GLIS3: variants seen among roughly 807,000 people sequenced by gnomAD.
GLIS3 encodes the protein GLIS family zinc finger 3, also known as zinc finger protein GLIS3.
GLIS3 carries 53 observed loss-of-function variants against 78.6 expected under a neutral mutation model. The ratio of observed to expected loss-of-function variants is 0.67; its 90% CI spans 0.54 to 0.85. The LOEUF is 0.85. Ranked by LOEUF, GLIS3 falls within the 40% of genes least tolerant of loss-of-function variation. The pLI, the probability that GLIS3 is intolerant of heterozygous loss-of-function variation, is 0.00. For missense variants in GLIS3, 1,703 were observed against 1,231.1 expected (o/e 1.38, Z -5.74); for synonymous variants, 684 against 509.9 (o/e 1.34, Z -4.60).
chr9:4,071,620 A>C (rs1165342964), intron 4 of GLIS3: 1 of 152,182 alleles, frequency 6.6e-6, no homozygotes. Context: ...TACTATGCAA[A>C]AGCTTAAAAT....
intron 2 of GLIS3, among the ~76,000 whole-genome samples, chr9:4,244,339 T>TA (rs1295907067): frequency 6.6e-6 from 1 of 152,236 alleles, no homozygotes; most frequent in Non-Finnish European, 1.5e-5. Context: ...CTTGGATACT[T>TA]ACCAAGAGTC....
intron 2 of GLIS3, among the ~76,000 whole-genome samples, chr9:4,149,318 T>C (rs970240063): frequency 3.3e-5 from 5 of 152,186 alleles, no homozygotes; most frequent in Non-Finnish European, 7.3e-5. Flanking sequence ...AACTAAGGCT[T>C]GAAGACCATA....
At chr9:4,097,660 A>C (rs1409244154) in intron 4 of GLIS3, among the ~76,000 whole-genome samples, 1 of 152,212 alleles carries the variant, frequency 6.6e-6, no homozygotes, top group Non-Finnish European at 1.5e-5. Context: ...GAATAAAAAC[A>C]ACCATCGGTA....
intron 2 of GLIS3, among the ~76,000 whole-genome samples, chr9:4,236,609 A>G (rs183372299): frequency 1.4e-4 from 21 of 152,322 alleles, no homozygotes; most frequent in African/African-American, 5.1e-4. Flanking sequence ...ACAGCAGTCT[A>G]ATTTCCACCA....
intron 2 of GLIS3, among the ~76,000 whole-genome samples, chr9:4,159,245 C>G (rs779718753): frequency 3.9e-5 from 6 of 152,140 alleles, no homozygotes; most frequent in Non-Finnish European, 5.9e-5. Flanking sequence ...ATCAGATGAA[C>G]CATCTCCAGG....
At chr9:4,318,090 G>C (rs1003318499) in intron 2 of GLIS3, among the ~76,000 whole-genome samples, 1 of 152,184 alleles carries the variant, frequency 6.6e-6, no homozygotes, top group Non-Finnish European at 1.5e-5. Context: ...GCTGGGAAAG[G>C]AGGAAGCATG....
chr9:4,238,817 C>A (rs1379844804), intron 2 of GLIS3, among the ~76,000 whole-genome samples: 2 of 152,068 alleles, frequency 1.3e-5, no homozygotes, highest in African/African-American at 4.8e-5. Flanking sequence ...GTCAAGCTTT[C>A]CCTGGGGTTA....
chr9:4,266,609 C>G (rs1252343026), intron 2 of GLIS3, among the ~76,000 whole-genome samples: 1 of 151,830 alleles, frequency 6.6e-6, no homozygotes, highest in East Asian at 1.9e-4. Context: ...CACACACACA[C>G]ACACACACAC....
At chr9:4,064,900 G>T (rs1412214198) in intron 4 of GLIS3, among the ~76,000 whole-genome samples, 2 of 152,180 alleles carry the variant, frequency 1.3e-5, no homozygotes, top group Non-Finnish European at 2.9e-5. Context: ...TGATCCAGAT[G>T]GGTCCTGAAT....
chr9:4,334,904 CTTTTTT>C (rs56017714), intron 2 of GLIS3, among the ~76,000 whole-genome samples: 74 of 107,018 alleles, frequency 6.9e-4, no homozygotes, highest in Middle Eastern at 6.7e-3. Flanking sequence ...TCATTTCCAC[CTTTTTT>C]TTTTTTTTTT....
chr9:4,415,097 G>A, the GLIS3 span, among the ~76,000 whole-genome samples: 2 of 152,104 alleles, frequency 1.3e-5, no homozygotes, highest in African/African-American at 4.8e-5. Context: ...GTTAAAATAA[G>A]CTTACATTTT....
At chr9:3,864,874 T>G (rs1820470632) in intron 8 of GLIS3, among the ~76,000 whole-genome samples, 1 of 152,210 alleles carries the variant, frequency 6.6e-6, no homozygotes, top group South Asian at 2.1e-4. Flanking sequence ...CCTTATCTAG[T>G]TCTACGAGAA....
At chr9:3,863,448 G>C (rs1273848697) in intron 8 of GLIS3, among the ~76,000 whole-genome samples, 1 of 152,258 alleles carries the variant, frequency 6.6e-6, no homozygotes, top group African/African-American at 2.4e-5. Flanking sequence ...GACTGGGGCA[G>C]GGCAAGAGCT....
At chr9:4,236,196 AAAAAAAAAAAAGAAAG>A (rs1822724532) in intron 2 of GLIS3, among the ~76,000 whole-genome samples, 1 of 147,154 alleles carries the variant, frequency 6.8e-6, no homozygotes, top group African/African-American at 2.5e-5. Flanking sequence ...AAAAAAAAAA[AAAAAAAAAAAAGAAAG>A]AAAGAAAGAA....
At chr9:4,186,409 T>G (rs1034588124) in intron 2 of GLIS3, among the ~76,000 whole-genome samples, 2 of 151,968 alleles carry the variant, frequency 1.3e-5, no homozygotes, top group Non-Finnish European at 2.9e-5. Context: ...TGTTGGACAT[T>G]TGGGTTGGTT....
chr9:4,160,646 C>A (rs928210815), intron 2 of GLIS3, among the ~76,000 whole-genome samples: 5 of 152,158 alleles, frequency 3.3e-5, no homozygotes, highest in Non-Finnish European at 7.3e-5. Flanking sequence ...TCTTCAAAGT[C>A]CTTGTATTTT....
At chr9:4,173,219 T>G (rs985369701) in intron 2 of GLIS3, among the ~76,000 whole-genome samples, 1 of 152,124 alleles carries the variant, frequency 6.6e-6, no homozygotes, top group Non-Finnish European at 1.5e-5. Flanking sequence ...GGAATACAAG[T>G]GGGAAAAACA....
At chr9:4,488,221 C>G in the GLIS3 span, among the ~76,000 whole-genome samples, 2 of 152,094 alleles carry the variant, frequency 1.3e-5, no homozygotes, top group African/African-American at 4.8e-5. Flanking sequence ...TCCCAAAGTG[C>G]TGGGATTACG....
intron 2 of GLIS3, among the ~76,000 whole-genome samples, chr9:4,146,638 T>C (rs1256913866): frequency 6.6e-6 from 1 of 152,214 alleles, no homozygotes; most frequent in Non-Finnish European, 1.5e-5. Flanking sequence ...ATTTTTAAAT[T>C]AGCAACTGCA....
Sources: gnomAD v4.1 joint callset for allele counts (sites outside exome capture counted in the v4.1 genomes callset) on GRCh38, gnomAD v4.1.1 for gene constraint, MANE v1.5 for transcripts, NCBI Gene and HGNC (gene_info 2026-07-23, HGNC 2026-07-21) for gene names.